Variants in PSMA3 observed in about 807,000 individuals in gnomAD.
PSMA3 encodes proteasome 20S subunit alpha 3.
PSMA3 carries 8 observed loss-of-function variants against 40.0 expected under a neutral mutation model. That is an observed-to-expected ratio of 0.20 (90% confidence interval 0.12 to 0.36). The LOEUF is 0.36. Among genes scored for constraint, PSMA3 ranks in the 10% least tolerant of loss-of-function variants. The pLI, the probability that PSMA3 is intolerant of heterozygous loss-of-function variation, is 1.00. For synonymous variants in PSMA3, 110 were observed against 100.0 expected (o/e 1.10, Z -0.59); for missense variants, 219 against 310.6 (o/e 0.70, Z 2.22).
At chr14:58,252,277 G>A in intron 3 of PSMA3, 35 bp downstream of exon 3, 1 of 1,589,880 alleles carries the variant, frequency 6.3e-7, no homozygotes. Flanking sequence ...TTTTTGTCTT[G>A]TCCAATTTCT....
intron 5 of PSMA3, among the ~76,000 whole-genome samples, chr14:58,259,310 T>G (rs898606527): frequency 7.2e-5 from 11 of 152,162 alleles, no homozygotes; most frequent in East Asian, 1.9e-4. Flanking sequence ...ATAACTTTTT[T>G]TTTGTTTGTT....
chr14:58,245,098 C>A (rs547655765), intron 1 of PSMA3, 157 bp downstream of exon 1: 1 of 875,678 alleles, frequency 1.1e-6, no homozygotes, highest in Admixed American at 2.0e-5. Flanking sequence ...TCGTCTTTAT[C>A]CCCTATATGC....
In PSMA3 at chr14:58,254,340, A is replaced by ATATATATATATATATATATATATG; in HGVS notation, c.228+2101_228+2102insATATATATATATATATATATGTAT. Among the ~76,000 whole-genome samples, 14 of 34,780 alleles carry ATATATATATATATATATATATATG rather than the reference A, an allele frequency of 4.0e-4. 2 individuals carry two copies. Among genetic ancestry groups the ATATATATATATATATATATATATG allele is most frequent in the African/African-American group, 1.3e-3 (13 of 10,362 alleles). 22.8% of individuals were successfully genotyped at this position (34,780 alleles called of 152,430 possible). ...TGAAAAAAATTATGCATGCATATAT[A>ATATATATATATATATATATATATG]TATGTATGTACACACACACAGAGGT... On this transcript the variant is annotated intron_variant, in intron 3 of 10. Coordinates refer to ENST00000216455, the MANE Select transcript of PSMA3 (RefSeq NM_002788.4).
intron 1 of PSMA3, 165 bp downstream of exon 1, chr14:58,245,106 T>G: frequency 1.3e-6 from 1 of 781,802 alleles, no homozygotes; most frequent in South Asian, 1.5e-5. Context: ...ATCCCCTATA[T>G]GCTAGGCCTG....
intron 2 of PSMA3, among the ~76,000 whole-genome samples, chr14:58,251,276 T>C (rs966085764): frequency 2.0e-5 from 3 of 152,240 alleles, no homozygotes; most frequent in Admixed American, 6.5e-5. Context: ...TCTCCACATT[T>C]TACTTGAGGT....
At chr14:58,271,052 A>G in intron 10 of PSMA3, 54 bp downstream of exon 10, 1 of 1,365,066 alleles carries the variant, frequency 7.3e-7, no homozygotes, top group Middle Eastern at 2.1e-4. Flanking sequence ...GGAATCACTT[A>G]GCCCAGGAGT....
chr14:58,245,693 C>G (rs1230993993), intron 1 of PSMA3, among the ~76,000 whole-genome samples: 1 of 152,156 alleles, frequency 6.6e-6, no homozygotes, highest in Admixed American at 6.5e-5. Flanking sequence ...TCAGTTTACT[C>G]CTTTTATGTA....
chr14:58,263,834 C>T, intron 7 of PSMA3, 64 bp downstream of exon 7: 1 of 1,428,684 alleles, frequency 7.0e-7, no homozygotes, highest in Non-Finnish European at 9.9e-7. Flanking sequence ...TTTATCACCA[C>T]AGACATTTCA....
Position 58,254,340 on chromosome 14 carries a change from A to ATATATATATATGTATATG in PSMA3, c.228+2101_228+2102insATATATATGTATATGTAT. 5.8e-5 allele frequency among the ~76,000 whole-genome samples: 2 copies of ATATATATATATGTATATG among 34,780 alleles called. 1 individual carries two copies. Among genetic ancestry groups the ATATATATATATGTATATG allele is most frequent in the South Asian group, 2.4e-3 (2 of 830 alleles). 22.8% of individuals were successfully genotyped at this position (34,780 alleles called of 152,430 possible). A position where few individuals can be genotyped will look rare whatever the true frequency, so the allele number is the denominator to read the frequency against. On this transcript the variant is annotated intron_variant, in intron 3 of 10. Coordinates refer to ENST00000216455, the MANE Select transcript of PSMA3 (RefSeq NM_002788.4). ...TGAAAAAAATTATGCATGCATATAT[A>ATATATATATATGTATATG]TATGTATGTACACACACACAGAGGT... is the stretch of plus-strand genomic sequence containing the variant.
At chr14:58,259,286 G>T (rs936442967) in intron 5 of PSMA3, among the ~76,000 whole-genome samples, 1 of 152,024 alleles carries the variant, frequency 6.6e-6, no homozygotes, top group Non-Finnish European at 1.5e-5. Flanking sequence ...GAATAGTAGA[G>T]ATAACTTTTT....
intron 3 of PSMA3, among the ~76,000 whole-genome samples, chr14:58,256,979 C>T (rs1003353379): frequency 1.3e-5 from 2 of 150,634 alleles, no homozygotes; most frequent in Non-Finnish European, 3.0e-5. Context: ...TAAAAATTAG[C>T]CAATCCCAGC....
At chr14:58,256,943 A>C (rs1890158116) in intron 3 of PSMA3, among the ~76,000 whole-genome samples, 1 of 150,298 alleles carries the variant, frequency 6.7e-6, no homozygotes, top group Admixed American at 6.6e-5. Context: ...ACATGACAAA[A>C]CCAAACCCTG....
At chr14:58,269,701 A>T (rs905160416) in intron 8 of PSMA3, 1 of 151,926 alleles carries the variant, frequency 6.6e-6, no homozygotes, top group Non-Finnish European at 1.5e-5. Context: ...CCAAAGTGCT[A>T]GGATTACAGG....
intron 3 of PSMA3, among the ~76,000 whole-genome samples, chr14:58,255,967 T>C (rs1397474786): frequency 6.6e-6 from 1 of 152,278 alleles, no homozygotes; most frequent in East Asian, 1.9e-4. Context: ...CAAGTGATTC[T>C]TGTGGCTCAG....
chr14:58,258,213 G>A, intron 5 of PSMA3: 1 of 471,418 alleles, frequency 2.1e-6, no homozygotes, highest in Non-Finnish European at 3.8e-6. Flanking sequence ...TGAGGTGGGA[G>A]GATCCCTCGC....
intron 2 of PSMA3, among the ~76,000 whole-genome samples, chr14:58,250,967 T>G (rs1022204099): frequency 6.6e-6 from 1 of 151,944 alleles, no homozygotes; most frequent in Non-Finnish European, 1.5e-5. Context: ...ATGTAGAGCT[T>G]GGTGATGCTA....
In PSMA3 at chr14:58,272,001, A is replaced by C; in HGVS notation, c.*106A>C. The stretch of plus-strand genomic sequence containing the variant: ...CCAATTTTCATTAAATTTTTGTCTT[A>C]TAACTATTGAAGTTTGGTTAATATC... On this transcript the variant is annotated 3_prime_UTR_variant, in exon 11 of 11. Transcript: ENST00000216455. 4.8e-6 allele frequency: 4 copies of C among 841,696 alleles called. No individual in the cohort carries two copies. Among genetic ancestry groups the C allele is most frequent in the Non-Finnish European group, 7.5e-6 (4 of 531,862 alleles). The allele number at this position is 841,696 out of a possible 1,614,324, so 52.1% of individuals were successfully genotyped here. A position where few individuals can be genotyped will look rare whatever the true frequency, so the allele number is the denominator to read the frequency against.
intron 5 of PSMA3, among the ~76,000 whole-genome samples, chr14:58,259,101 A>C: frequency 6.6e-6 from 1 of 151,944 alleles, no homozygotes; most frequent in East Asian, 1.9e-4. Context: ...CTAATTAACA[A>C]AATTTTTTTT....
chr14:58,269,005 G>C (rs1282762969), intron 8 of PSMA3: 6 of 152,286 alleles, frequency 3.9e-5, no homozygotes, highest in African/African-American at 1.4e-4. Flanking sequence ...CACGATCTTG[G>C]CTCACTGCAA....
Sources: allele counts gnomAD v4.1 joint callset (sites outside exome capture counted in the v4.1 genomes callset), GRCh38; gene constraint gnomAD v4.1.1; transcripts MANE v1.5; gene names NCBI Gene and HGNC (gene_info 2026-07-23, HGNC 2026-07-21).